The following CAMTA1 variants were observed in gnomAD, a reference collection of about 807,000 sequenced individuals.
CAMTA1 encodes the protein calmodulin binding transcription activator 1.
CAMTA1 carries 27 observed loss-of-function variants against 170.9 expected under a neutral mutation model. That is an observed-to-expected ratio of 0.16 (90% CI 0.12 to 0.22). The LOEUF is 0.22. Ranked by LOEUF, CAMTA1 falls within the 10% of genes least tolerant of loss-of-function variation. The pLI is 1.00. For missense variants in CAMTA1, 1,619 were observed against 2,217.2 expected (o/e 0.73, Z 5.42); for synonymous variants, 833 against 891.5 (o/e 0.93, Z 1.17).
intron 5 of CAMTA1, among the ~76,000 whole-genome samples, chr1:7,440,930 C>T (rs574289854): frequency 2.6e-5 from 4 of 152,334 alleles, no homozygotes; most frequent in African/African-American, 7.2e-5. Context: ...TAGCTTGGTC[C>T]TCCTACCTCG....
chr1:6,986,788 G>T (rs1038802341), intron 3 of CAMTA1, among the ~76,000 whole-genome samples: 2 of 152,124 alleles, frequency 1.3e-5, no homozygotes, highest in African/African-American at 4.8e-5. Context: ...GTGAGTTAAT[G>T]CAGGGAGCAA....
At chr1:6,850,599 G>A (rs1361816642) in intron 3 of CAMTA1, among the ~76,000 whole-genome samples, 2 of 152,204 alleles carry the variant, frequency 1.3e-5, no homozygotes, top group Admixed American at 6.5e-5. Flanking sequence ...CAAAATTTAT[G>A]TGAAGGAAAT....
chr1:7,265,473 C>G (rs1381290807), intron 5 of CAMTA1, among the ~76,000 whole-genome samples: 2 of 152,096 alleles, frequency 1.3e-5, no homozygotes, highest in Non-Finnish European at 2.9e-5. Flanking sequence ...GCCACTATGC[C>G]TGGCTAATTT....
intron 5 of CAMTA1, among the ~76,000 whole-genome samples, chr1:7,268,427 A>G (rs556758461): frequency 4.0e-4 from 61 of 152,236 alleles, no homozygotes; most frequent in Non-Finnish European, 2.9e-4. Context: ...TTCACACAGA[A>G]CTGGGAACCA....
intron 4 of CAMTA1, among the ~76,000 whole-genome samples, chr1:7,148,439 G>A (rs960235672): frequency 5.1e-5 from 7 of 137,346 alleles, no homozygotes; most frequent in African/African-American, 5.3e-5. Context: ...CCCCCGCCAC[G>A]CTCCCCGCCA....
chr1:6,880,375 C>T (rs981583369), intron 3 of CAMTA1, among the ~76,000 whole-genome samples: 2 of 135,898 alleles, frequency 1.5e-5, no homozygotes, highest in Middle Eastern at 4.3e-3. Context: ...GGCCCAGCCT[C>T]TAAAAGTGTT....
rs76781862 is a variant in CAMTA1 at position 7,419,945 on chromosome 1, C to T, written c.439-47885C>T. Among the ~76,000 whole-genome samples, 436 of 152,262 alleles carry T rather than the reference C, an allele frequency of 2.9e-3. 14 individuals carry two copies. The East Asian group carries it at 0.043, about 15-fold the overall frequency. ...GCCACGCTGGACCACTCCACCATCC[C>T]GCCCTCCATCCTGATCATCATAACA... On this transcript the variant is annotated intron_variant, in intron 5 of 22. Transcript: ENST00000303635.
At position 6,883,757 on chromosome 1, in the gene CAMTA1, C is replaced by T. The variant is rs552162358; in HGVS notation, c.234+58547C>T. 3.0e-4 allele frequency among the ~76,000 whole-genome samples: 45 copies of T among 152,132 alleles called. 1 individual carries two copies. In the South Asian group the frequency reaches 6.2e-3, roughly 21 times the overall value. On this transcript the variant is annotated intron_variant, in intron 3 of 22. Coordinates refer to ENST00000303635, the MANE Select transcript of CAMTA1 (RefSeq NM_015215.4). ...GGGTCAGTTTTGGTTACATCAAGGT[C>T]AGGGGCTCTGCTGTACAGTAGCAGT...
intron 5 of CAMTA1, among the ~76,000 whole-genome samples, chr1:7,294,901 G>C (rs1485130138): frequency 2.0e-5 from 3 of 152,140 alleles, no homozygotes; most frequent in African/African-American, 7.2e-5. Flanking sequence ...TGGTCCTCTC[G>C]CATCTGCCCC....
At chr1:7,465,909 C>T (rs1455920046) in intron 5 of CAMTA1, among the ~76,000 whole-genome samples, 2 of 152,128 alleles carry the variant, frequency 1.3e-5, no homozygotes, top group Admixed American at 6.5e-5. Flanking sequence ...GAGAATAAGA[C>T]AGGTGAAGAG....
At position 7,092,285 on chromosome 1, in the gene CAMTA1, A is replaced by G. The variant is rs1026536701; in HGVS notation, c.302+914A>G. 1.3e-5 allele frequency among the ~76,000 whole-genome samples: 2 copies of G among 152,306 alleles called. No individual in the cohort carries two copies. The highest frequency in any genetic ancestry group is 4.8e-5 in the African/African-American group (2 of 41,560). On this transcript the variant is annotated intron_variant, in intron 4 of 22. Transcript: ENST00000303635. The surrounding 1 kb of genome is among the most constrained non-coding windows in gnomAD (Gnocchi z 5.0). ...GTCCCCAGGTTTGTTAGGACCAGGGAAGGGTTGAGTGTGTCCTCTGTGCCC... is the reference window on the plus strand; with the variant it reads ...GTCCCCAGGTTTGTTAGGACCAGGGGAGGGTTGAGTGTGTCCTCTGTGCCC...
intron 6 of CAMTA1, among the ~76,000 whole-genome samples, chr1:7,601,007 C>T (rs2095436085): frequency 6.6e-6 from 1 of 152,188 alleles, no homozygotes; most frequent in Admixed American, 6.5e-5. Context: ...GTACACCTCC[C>T]AGATGGGGTG....
chr1:7,392,117 T>C lies in CAMTA1; in HGVS notation c.439-75713T>C, dbSNP rs1034943594. ...AAGAGACTACTACTTTGCATTCCCA[T>C]CAGGAATATATAAGAGTTTTAGTTG... is the stretch of plus-strand genomic sequence containing the variant. On this transcript the variant is annotated intron_variant, in intron 5 of 22. Transcript: ENST00000303635. Among the ~76,000 whole-genome samples, 6 of 152,180 alleles carry C rather than the reference T, an allele frequency of 3.9e-5. No individual in the cohort carries two copies. The South Asian group carries it at 1.2e-3, about 32-fold the overall frequency.
chr1:7,597,537 G>A (rs1254075893), intron 6 of CAMTA1, among the ~76,000 whole-genome samples: 1 of 152,080 alleles, frequency 6.6e-6, no homozygotes, highest in Non-Finnish European at 1.5e-5. Flanking sequence ...TATTAGTCAG[G>A]GTTCTCCATG....
chr1:7,474,444 C>T (rs546324492), intron 6 of CAMTA1, among the ~76,000 whole-genome samples: 5 of 152,330 alleles, frequency 3.3e-5, no homozygotes, highest in Admixed American at 6.5e-5. Flanking sequence ...GCATTGATGC[C>T]GTGCATAAAA....
chr1:7,133,489 G>T (rs1645378174), intron 4 of CAMTA1, among the ~76,000 whole-genome samples: 1 of 151,942 alleles, frequency 6.6e-6, no homozygotes, highest in Non-Finnish European at 1.5e-5. Context: ...TTTTTCTAGA[G>T]GTTTATCAAT....
At chr1:7,121,372 G>A (rs1644631177) in intron 4 of CAMTA1, among the ~76,000 whole-genome samples, 1 of 152,230 alleles carries the variant, frequency 6.6e-6, no homozygotes, top group Non-Finnish European at 1.5e-5. Flanking sequence ...CACAATGGGT[G>A]GATAAGATGG....
chr1:6,933,686 G>A (rs1046125080), intron 3 of CAMTA1, among the ~76,000 whole-genome samples: 5 of 148,414 alleles, frequency 3.4e-5, no homozygotes, highest in East Asian at 1.9e-4. Context: ...TTTTTTGCAC[G>A]TAGACATCCA....
intron 3 of CAMTA1, among the ~76,000 whole-genome samples, chr1:7,075,376 G>A (rs1639158475): frequency 6.6e-6 from 1 of 152,158 alleles, no homozygotes; most frequent in South Asian, 2.1e-4. Flanking sequence ...TACCTATGGT[G>A]CACTTTGATA....
Sources: gnomAD v4.1 joint callset for allele counts (sites outside exome capture counted in the v4.1 genomes callset) on GRCh38, gnomAD v4.1.1 for gene constraint, Gnocchi (gnomAD v3.1) non-coding constraint, MANE v1.5 for transcripts, NCBI Gene and HGNC (gene_info 2026-07-23, HGNC 2026-07-21) for gene names.